Variants in TENM1 observed in about 807,000 individuals in gnomAD.
TENM1 encodes the protein teneurin transmembrane protein 1.
A neutral mutation model predicts 174.8 loss-of-function variants in TENM1; 35 were observed. The ratio of observed to expected loss-of-function variants is 0.20; its 90% confidence interval spans 0.15 to 0.27. The LOEUF is 0.27. Among genes scored for constraint, TENM1 ranks in the 10% least tolerant of loss-of-function variants. The probability of loss-of-function intolerance (pLI) is 1.00; values close to 1 mark genes in which losing one functional copy is unlikely to be tolerated. For missense variants in TENM1, 1,633 were observed against 2,130.1 expected, an observed-to-expected ratio of 0.77 and a Z score of 4.59; for synonymous variants, 781 against 798.7, an observed-to-expected ratio of 0.98 and a Z score of 0.37.
chrX:124,501,661 C>T (rs2047333221), intron 19 of TENM1, among the ~76,000 whole-genome samples: 1 of 111,690 alleles, frequency 9.0e-6, no homozygotes, highest in Admixed American at 9.5e-5. Context: ...AGAGATGTTG[C>T]TCTTGCCTTA....
At chrX:124,685,839 G>A (rs921161278) in intron 5 of TENM1, among the ~76,000 whole-genome samples, 7 of 111,866 alleles carry the variant, frequency 6.3e-5, no homozygotes, top group East Asian at 2.8e-4. Flanking sequence ...GATTACAGGC[G>A]TGAGCCACCG....
At chrX:124,987,885 C>T in the TENM1 span, among the ~76,000 whole-genome samples, 1 of 111,206 alleles carries the variant, frequency 9.0e-6, no homozygotes. Flanking sequence ...ATTATTAAGT[C>T]AAGCATTTAC....
intron 27 of TENM1, among the ~76,000 whole-genome samples, chrX:124,402,686 A>G (rs2060413248): frequency 1.8e-5 from 2 of 111,825 alleles, no homozygotes; most frequent in African/African-American, 6.5e-5. Flanking sequence ...AGAATGAAAA[A>G]TCCCAAAGTC....
At chrX:124,799,193 G>T (rs888869351) in intron 3 of TENM1, among the ~76,000 whole-genome samples, 1 of 111,193 alleles carries the variant, frequency 9.0e-6, no homozygotes, top group Non-Finnish European at 1.9e-5. Flanking sequence ...TGTTCCATAT[G>T]AAATTTAAAG....
intron 11 of TENM1, among the ~76,000 whole-genome samples, chrX:124,628,643 T>C (rs938598850): frequency 3.6e-5 from 4 of 111,556 alleles, no homozygotes; most frequent in African/African-American, 1.3e-4. Context: ...TATGAGTTTG[T>C]CTATCTTGAG....
At chrX:124,439,233 A>G (rs113454550) in intron 23 of TENM1, among the ~76,000 whole-genome samples, 2,430 of 111,793 alleles carry the variant, frequency 0.022, 52 homozygotes, top group African/African-American at 0.074. Flanking sequence ...CTTCTTTCTT[A>G]TGTACTCTAA....
At chrX:124,721,627 T>C in intron 4 of TENM1, among the ~76,000 whole-genome samples, 1 of 112,267 alleles carries the variant, frequency 8.9e-6, no homozygotes, top group African/African-American at 3.2e-5. Flanking sequence ...GTTCTTTATA[T>C]ACCAGAGACA....
At chrX:125,159,782 T>C in the TENM1 span, among the ~76,000 whole-genome samples, 1 of 111,799 alleles carries the variant, frequency 8.9e-6, no homozygotes, top group South Asian at 3.7e-4. Flanking sequence ...AATGTTAGAG[T>C]CAGCTTCTAG....
the TENM1 span, among the ~76,000 whole-genome samples, chrX:124,982,552 T>C: frequency 2.7e-5 from 3 of 111,796 alleles, no homozygotes; most frequent in Non-Finnish European, 5.6e-5. Flanking sequence ...ATATAAAATT[T>C]ACTTTGCTGC....
At chrX:124,765,116 G>A (rs998499703) in intron 3 of TENM1, among the ~76,000 whole-genome samples, 1 of 111,684 alleles carries the variant, frequency 9.0e-6, no homozygotes, top group Non-Finnish European at 1.9e-5. Context: ...AAGCCAGGTG[G>A]TGGCAGAAAG....
At chrX:125,069,120 A>G in the TENM1 span, among the ~76,000 whole-genome samples, 4 of 111,620 alleles carry the variant, frequency 3.6e-5, no homozygotes, top group Non-Finnish European at 7.5e-5. Flanking sequence ...TGAACATTGT[A>G]CCCAACAGGC....
intron 11 of TENM1, among the ~76,000 whole-genome samples, chrX:124,624,620 A>G (rs764675899): frequency 2.7e-5 from 3 of 111,968 alleles, no homozygotes; most frequent in African/African-American, 6.5e-5. Context: ...CAGAACCAAT[A>G]AAGTCTACAT....
chrX:124,591,404 T>A (rs891930884), intron 11 of TENM1, among the ~76,000 whole-genome samples: 2 of 112,211 alleles, frequency 1.8e-5, no homozygotes, highest in African/African-American at 6.5e-5. Flanking sequence ...GGAGCTCTTT[T>A]AAGGCTGGTC....
chrX:125,076,757 A>G, the TENM1 span, among the ~76,000 whole-genome samples: 1 of 111,974 alleles, frequency 8.9e-6, no homozygotes, highest in Non-Finnish European at 1.9e-5. Context: ...GATATTAACA[A>G]TGTGCCTACT....
chrX:124,920,451 A>T (rs2058002203), intron 1 of TENM1, among the ~76,000 whole-genome samples: 1 of 111,546 alleles, frequency 9.0e-6, no homozygotes, highest in Admixed American at 9.5e-5. Context: ...CCAAGTATTT[A>T]CTATTATAAG....
At chrX:124,642,926 G>A (rs138052907) in intron 10 of TENM1, among the ~76,000 whole-genome samples, 1,182 of 112,159 alleles carry the variant, frequency 0.011, 19 homozygotes, top group African/African-American at 0.037. Flanking sequence ...GTGACAACCC[G>A]CCTGCATTTC....
intron 7 of TENM1, among the ~76,000 whole-genome samples, 200 bp from the exon 11 acceptor site, chrX:124,652,324 G>A (rs1387101871): frequency 9.0e-6 from 1 of 111,157 alleles, no homozygotes; most frequent in Admixed American, 9.6e-5. Context: ...TTTGGGAGGC[G>A]AGGACAGGAA....
chrX:124,385,388 T>C (rs2060207278), intron 29 of TENM1, among the ~76,000 whole-genome samples: 1 of 112,312 alleles, frequency 8.9e-6, no homozygotes, highest in South Asian at 3.7e-4. Context: ...CGTTTCATCT[T>C]TGAGAAGATT....
intron 1 of TENM1, among the ~76,000 whole-genome samples, chrX:124,904,068 T>C (rs2057707399): frequency 9.0e-6 from 1 of 111,065 alleles, no homozygotes; most frequent in East Asian, 2.8e-4. Context: ...CGTGTGTGTG[T>C]GCGTGTGTGT....
Sources: allele counts gnomAD v4.1 joint callset (sites outside exome capture counted in the v4.1 genomes callset), GRCh38; gene constraint gnomAD v4.1.1; transcripts MANE v1.5; gene names NCBI Gene and HGNC (gene_info 2026-07-23, HGNC 2026-07-21).